Variants in ANO6 observed in about 807,000 individuals in gnomAD.
ANO6 encodes anoctamin-6.
A neutral mutation model predicts 117.5 loss-of-function variants in ANO6; 106 were observed. The ratio of observed to expected loss-of-function variants is 0.90; its 90% CI spans 0.77 to 1.06. The LOEUF is 1.06. Ranked by LOEUF, ANO6 falls within the 50% of genes least tolerant of loss-of-function variation. The pLI is 0.00. For synonymous variants in ANO6, 367 were observed against 385.1 expected, an observed-to-expected ratio of 0.95 and a Z score of 0.55; for missense variants, 955 against 1,121.1, an observed-to-expected ratio of 0.85 and a Z score of 2.12.
At position 45,430,195 on chromosome 12, in the gene ANO6, T is replaced by TATCA; in HGVS notation, c.*886_*889dup. 1 of 985,466 alleles carries TATCA rather than the reference T, an allele frequency of 1.0e-6. No individual in the cohort carries two copies. Among genetic ancestry groups the TATCA allele is most frequent in the Non-Finnish European group, 1.2e-6 (1 of 829,924 alleles). 61.0% of individuals were successfully genotyped at this position (985,466 alleles called of 1,614,324 possible). A position where few individuals can be genotyped will look rare whatever the true frequency, so the allele number is the denominator to read the frequency against. ...TATCACATGATTAAAATTACATTTT[T>TATCA]ATCAACATAATTGTCTGGAAAAGAT... is the stretch of plus-strand genomic sequence containing the variant. On this transcript the variant is annotated 3_prime_UTR_variant, in exon 20 of 20. Transcript: ENST00000320560.
At chr12:45,347,644 A>G (rs1941172857) in intron 4 of ANO6, 2 of 218,192 alleles carry the variant, frequency 9.2e-6, no homozygotes, top group South Asian at 1.6e-4. Flanking sequence ...CAGATAGACA[A>G]TAAGTTCATT....
In ANO6 at chr12:45,430,016, G is replaced by A. The variant is rs150258364; in HGVS notation, c.*705G>A. ...TATCTTCCAGGAGCACTCCTAGGAGGTTCCGTGCCTAATCAATGTTGACTG... is the reference window on the plus strand; with the variant it reads ...TATCTTCCAGGAGCACTCCTAGGAGATTCCGTGCCTAATCAATGTTGACTG... On this transcript the variant is annotated 3_prime_UTR_variant, in exon 20 of 20. Transcript: ENST00000320560. The A allele has an allele frequency of 6.3e-3, 6,183 of 985,510 alleles. 27 individuals carry two copies. The highest frequency in any genetic ancestry group is 9.1e-3 in the Admixed American group (149 of 16,292). 61.0% of individuals were successfully genotyped at this position (985,510 alleles called of 1,614,324 possible).
chr12:45,317,918 T>G (rs1457375823), intron 2 of ANO6, among the ~76,000 whole-genome samples: 1 of 152,266 alleles, frequency 6.6e-6, no homozygotes, highest in Non-Finnish European at 1.5e-5. Context: ...CATAAATGTC[T>G]TCTTTTGAGA....
intron 1 of ANO6, among the ~76,000 whole-genome samples, chr12:45,264,053 T>G (rs933950088): frequency 2.6e-5 from 4 of 152,194 alleles, no homozygotes; most frequent in Admixed American, 6.5e-5. Context: ...TTAGAAAAGT[T>G]AAGGAACATT....
chr12:45,319,506 G>C (rs1326055857), intron 2 of ANO6, among the ~76,000 whole-genome samples: 1 of 152,168 alleles, frequency 6.6e-6, no homozygotes, highest in Non-Finnish European at 1.5e-5. Flanking sequence ...TGTGCTGCTG[G>C]ATTTGGTTTG....
At chr12:45,370,173 G>A (rs897664838) in intron 9 of ANO6, among the ~76,000 whole-genome samples, 21 of 152,340 alleles carry the variant, frequency 1.4e-4, no homozygotes, top group Middle Eastern at 6.8e-3. Context: ...TACCCAGTAA[G>A]CTCCTTGCTT....
chr12:45,232,715 C>T (rs1473990861), intron 1 of ANO6, among the ~76,000 whole-genome samples: 2 of 152,202 alleles, frequency 1.3e-5, no homozygotes, highest in African/African-American at 2.4e-5. Flanking sequence ...TGTTAATGCA[C>T]CTTGCAAAGT....
intron 3 of ANO6, among the ~76,000 whole-genome samples, chr12:45,336,125 A>C (rs1226766488): frequency 6.6e-6 from 1 of 152,012 alleles, no homozygotes; most frequent in Non-Finnish European, 1.5e-5. Flanking sequence ...CATTTTTGAT[A>C]GATTTCTTTT....
chr12:45,390,972 T>C (rs1416194534), intron 12 of ANO6, among the ~76,000 whole-genome samples: 3 of 151,918 alleles, frequency 2.0e-5, no homozygotes, highest in African/African-American at 7.3e-5. Context: ...AATACAAAAA[T>C]TAGCCAGGCA....
chr12:45,315,332 G>A (rs540191808), intron 2 of ANO6, among the ~76,000 whole-genome samples: 9 of 152,114 alleles, frequency 5.9e-5, no homozygotes, highest in East Asian at 5.8e-4. Context: ...GATGCATGAG[G>A]AACTGGGGGA....
intron 2 of ANO6, among the ~76,000 whole-genome samples, chr12:45,327,239 A>G (rs1171160831): frequency 6.6e-6 from 1 of 152,224 alleles, no homozygotes; most frequent in Admixed American, 6.5e-5. Flanking sequence ...AAAGGTGTAC[A>G]TGAAAAAAAC....
intron 1 of ANO6, among the ~76,000 whole-genome samples, chr12:45,265,569 G>A (rs922066747): frequency 3.9e-5 from 6 of 152,106 alleles, no homozygotes; most frequent in Non-Finnish European, 5.9e-5. Flanking sequence ...TATGAACAGA[G>A]GTAGTATGAT....
At chr12:45,322,195 A>G (rs564564184) in intron 2 of ANO6, among the ~76,000 whole-genome samples, 277 of 152,234 alleles carry the variant, frequency 1.8e-3, no homozygotes, top group African/African-American at 6.0e-3. Context: ...GGGTGATACG[A>G]GAAGAGAGAA....
At chr12:45,233,667 A>G (rs188719588) in intron 1 of ANO6, among the ~76,000 whole-genome samples, 223 of 152,324 alleles carry the variant, frequency 1.5e-3, no homozygotes, top group Non-Finnish European at 2.5e-3. Context: ...CATATTTTAC[A>G]TATAGTAAAA....
At chr12:45,218,560 G>A (rs1243780173) in intron 1 of ANO6, among the ~76,000 whole-genome samples, 2 of 151,516 alleles carry the variant, frequency 1.3e-5, no homozygotes, top group African/African-American at 4.9e-5. Context: ...CCACCTAGTT[G>A]GTTGTTTTTT....
At chr12:45,428,508 G>A (rs1282580276) in intron 19 of ANO6, among the ~76,000 whole-genome samples, 5 of 152,136 alleles carry the variant, frequency 3.3e-5, no homozygotes, top group Non-Finnish European at 7.3e-5. Flanking sequence ...TTGAGCCCAG[G>A]AGTAGGAGGC....
At chr12:45,425,269 A>G (rs902507303) in intron 19 of ANO6, among the ~76,000 whole-genome samples, 3 of 152,194 alleles carry the variant, frequency 2.0e-5, no homozygotes, top group Admixed American at 6.5e-5. Context: ...TACTCCTGAT[A>G]TATCACAGGG....
Position 45,388,148 on chromosome 12 carries a change from GTCTC to G in ANO6, c.1166-9_1166-6del, listed in dbSNP as rs1942347230. ...ATTGAAAATCCACACAAGCTCTTCTGTCTCTCTGTTAGTTACCTTGTTTTTGGAG... is the reference window on the plus strand; with the variant it reads ...ATTGAAAATCCACACAAGCTCTTCTGTCTGTTAGTTACCTTGTTTTTGGAG... On this transcript the variant is annotated splice_polypyrimidine_tract_variant and intron_variant, in intron 10 of 19. Transcript: ENST00000320560. 8 of 1,613,706 alleles carry G rather than the reference GTCTC, an allele frequency of 5.0e-6. No individual in the cohort carries two copies. Among genetic ancestry groups the G allele is most frequent in the Non-Finnish European group, 6.8e-6 (8 of 1,179,716 alleles).
At chr12:45,308,053 T>TTTTTTTTTG (rs1939731029) in intron 2 of ANO6, among the ~76,000 whole-genome samples, 2 of 117,056 alleles carry the variant, frequency 1.7e-5, no homozygotes, top group Admixed American at 1.9e-4. Context: ...GTGTAATTTT[T>TTTTTTTTTG]TTTTTTTTTT....
Sources: allele counts gnomAD v4.1 joint callset (sites outside exome capture counted in the v4.1 genomes callset), GRCh38; gene constraint gnomAD v4.1.1; transcripts MANE v1.5; gene names NCBI Gene and HGNC (gene_info 2026-07-23, HGNC 2026-07-21).